SLC24A2: variants seen among roughly 807,000 people sequenced by gnomAD.
SLC24A2 encodes the protein sodium/potassium/calcium exchanger 2.
In SLC24A2, 36 loss-of-function variants were observed where a neutral mutation model predicts 62.0. The observed-to-expected ratio is 0.58, with a 90% CI of 0.44 to 0.77. SLC24A2 has a LOEUF of 0.77. Among genes scored for constraint, SLC24A2 ranks in the 30% least tolerant of loss-of-function variants. SLC24A2 has a pLI of 0.00. For missense variants in SLC24A2, 846 were observed against 817.9 expected (o/e 1.03, Z -0.42); for synonymous variants, 358 against 294.0 (o/e 1.22, Z -2.23).
chr9:19,522,547 C>T (rs981784604), intron 9 of SLC24A2, among the ~76,000 whole-genome samples: 1 of 152,164 alleles, frequency 6.6e-6, no homozygotes, highest in African/African-American at 2.4e-5. Context: ...TTCCTACTAG[C>T]TTAAAAGCAT....
intron 5 of SLC24A2, among the ~76,000 whole-genome samples, 192 bp from the exon 6 acceptor site, chr9:19,577,214 A>G (rs1836044917): frequency 6.6e-6 from 1 of 152,104 alleles, no homozygotes; most frequent in African/African-American, 2.4e-5. Flanking sequence ...CCAATTCTCT[A>G]TTTGAGAATC....
At chr9:20,068,126 C>G in the SLC24A2 span, among the ~76,000 whole-genome samples, 1 of 134,750 alleles carries the variant, frequency 7.4e-6, no homozygotes, top group Non-Finnish European at 1.5e-5. Flanking sequence ...TGCAGTGGTG[C>G]AATCTTGGCT....
chr9:19,664,314 T>G (rs1399364197), intron 2 of SLC24A2, among the ~76,000 whole-genome samples: 1 of 152,220 alleles, frequency 6.6e-6, no homozygotes, highest in Non-Finnish European at 1.5e-5. Flanking sequence ...GCATTTAGAA[T>G]AGAAGTTAGC....
the SLC24A2 span, among the ~76,000 whole-genome samples, chr9:20,122,153 A>C: frequency 6.6e-6 from 1 of 152,234 alleles, no homozygotes; most frequent in Non-Finnish European, 1.5e-5. Context: ...CACAAGTTAC[A>C]AGAATTTCAA....
rs77542686 is a variant in SLC24A2 at position 19,599,645 on chromosome 9, C to T, written c.1079-2366G>A. Among the ~76,000 whole-genome samples, 3,124 of 152,270 alleles carry T rather than the reference C, an allele frequency of 0.021. 42 individuals are homozygous for T. Among genetic ancestry groups the T allele is most frequent in the Non-Finnish European group, 0.027 (1,857 of 68,018 alleles). ...GAGGATTGGGCAGCATCTCCAGGAG[C>T]CACAAGGCCCTCCTCCCTGAAGCAG... On this transcript the variant is annotated intron_variant, in intron 4 of 10. Transcript: ENST00000341998. The surrounding 1 kb of genome is among the most constrained non-coding windows in gnomAD (Gnocchi z 4.5).
chr9:19,951,400 G>A, the SLC24A2 span, among the ~76,000 whole-genome samples: 9 of 151,840 alleles, frequency 5.9e-5, no homozygotes, highest in East Asian at 3.9e-4. Context: ...CTTAGTGTTC[G>A]TACGTATATA....
chr9:20,247,693 C>A, the SLC24A2 span, among the ~76,000 whole-genome samples: 2 of 152,082 alleles, frequency 1.3e-5, no homozygotes, highest in African/African-American at 4.8e-5. Flanking sequence ...TTATGACAGC[C>A]CAAACAGAGT....
chr9:19,556,203 G>C (rs527439749), intron 7 of SLC24A2, among the ~76,000 whole-genome samples: 5 of 152,310 alleles, frequency 3.3e-5, no homozygotes, highest in Non-Finnish European at 5.9e-5. Flanking sequence ...ATAGCATCAT[G>C]ATAATCCATT....
At chr9:20,184,612 G>A in the SLC24A2 span, among the ~76,000 whole-genome samples, 5 of 152,144 alleles carry the variant, frequency 3.3e-5, no homozygotes, top group Admixed American at 2.0e-4. Flanking sequence ...ACAAGTGCTG[G>A]TGAGGTTGTG....
chr9:19,904,207 A>G, the SLC24A2 span, among the ~76,000 whole-genome samples: 2 of 152,236 alleles, frequency 1.3e-5, no homozygotes, highest in Non-Finnish European at 2.9e-5. Flanking sequence ...CTACTGAATC[A>G]GAATCTGCAC....
the SLC24A2 span, among the ~76,000 whole-genome samples, chr9:20,127,483 T>C: frequency 6.0e-4 from 92 of 152,084 alleles, 1 homozygote; most frequent in South Asian, 0.018. Flanking sequence ...GGTGCAAAAA[T>C]GGAAAAAATA....
chr9:20,144,673 C>A, the SLC24A2 span, among the ~76,000 whole-genome samples: 4 of 152,074 alleles, frequency 2.6e-5, no homozygotes, highest in African/African-American at 9.7e-5. Context: ...CATTCCTGGT[C>A]CCATTTGTTT....
the SLC24A2 span, among the ~76,000 whole-genome samples, chr9:20,290,267 A>G: frequency 6.6e-6 from 1 of 152,188 alleles, no homozygotes; most frequent in African/African-American, 2.4e-5. Flanking sequence ...GATGGACCCA[A>G]TTCTCTGACA....
chr9:20,127,203 C>T, the SLC24A2 span, among the ~76,000 whole-genome samples: 1 of 152,058 alleles, frequency 6.6e-6, no homozygotes, highest in African/African-American at 2.4e-5. Context: ...TTCCTCTCTC[C>T]TTCATTCCTT....
At chr9:19,770,064 A>C (rs536155919) in intron 2 of SLC24A2, among the ~76,000 whole-genome samples, 1 of 151,268 alleles carries the variant, frequency 6.6e-6, no homozygotes, top group African/African-American at 2.4e-5. Flanking sequence ...AATGCAGTCT[A>C]TATTGTCCCA....
chr9:19,554,072 G>A (rs1347374780), intron 7 of SLC24A2, among the ~76,000 whole-genome samples: 1 of 152,124 alleles, frequency 6.6e-6, no homozygotes, highest in Non-Finnish European at 1.5e-5. Flanking sequence ...CCACTAGTGT[G>A]GGTCCTAATC....
At chr9:19,568,907 C>T (rs942313075) in intron 7 of SLC24A2, among the ~76,000 whole-genome samples, 2 of 152,208 alleles carry the variant, frequency 1.3e-5, no homozygotes, top group African/African-American at 2.4e-5. Context: ...AGTTATTTGA[C>T]AGCATTCCAA....
At chr9:19,557,499 C>T (rs116492183) in intron 7 of SLC24A2, among the ~76,000 whole-genome samples, 355 of 152,294 alleles carry the variant, frequency 2.3e-3, no homozygotes, top group African/African-American at 8.3e-3. Flanking sequence ...CTCATGTCTC[C>T]AGAAACGTGA....
At chr9:19,639,913 T>C (rs1047779001) in intron 2 of SLC24A2, among the ~76,000 whole-genome samples, 6 of 152,238 alleles carry the variant, frequency 3.9e-5, no homozygotes, top group African/African-American at 1.4e-4. Context: ...TTTGTTAACT[T>C]GGAAAACCTA....
Sources: allele counts gnomAD v4.1 joint callset (sites outside exome capture counted in the v4.1 genomes callset), GRCh38; gene constraint gnomAD v4.1.1; non-coding constraint Gnocchi (gnomAD v3.1); transcripts MANE v1.5; gene names NCBI Gene and HGNC (gene_info 2026-07-23, HGNC 2026-07-21).